COL4A2: variants seen among roughly 807,000 people sequenced by gnomAD.
COL4A2 encodes the protein collagen alpha-2(IV) chain.
A neutral mutation model predicts 200.2 loss-of-function variants in COL4A2; 99 were observed. That is an observed-to-expected ratio of 0.49 (90% CI 0.42 to 0.58). COL4A2 has a LOEUF of 0.58. COL4A2 is among the 20% of genes least tolerant of loss of function. COL4A2 has a pLI of 0.00. For synonymous variants in COL4A2, 897 were observed against 900.6 expected (o/e 1.00, Z 0.07); for missense variants, 1,950 against 2,314.1 (o/e 0.84, Z 3.23).
chr13:110,381,821 G>T (rs1173253769), intron 4 of COL4A2, among the ~76,000 whole-genome samples: 1 of 152,238 alleles, frequency 6.6e-6, no homozygotes, highest in Non-Finnish European at 1.5e-5. Flanking sequence ...TCATATCATC[G>T]TTATTATTAG....
intron 27 of COL4A2, among the ~76,000 whole-genome samples, chr13:110,467,613 C>G (rs1882296761): frequency 6.6e-6 from 1 of 152,224 alleles, no homozygotes; most frequent in African/African-American, 2.4e-5. Context: ...GTCTGGGTGC[C>G]CTTCACAGAG....
At chr13:110,506,730 C>A in intron 46 of COL4A2, 124 bp downstream of exon 46, 2 of 1,022,942 alleles carry the variant, frequency 2.0e-6, no homozygotes, top group Non-Finnish European at 2.8e-6. Context: ...ACGGAAGGGT[C>A]CATCTACATT....
At chr13:110,448,665 T>C (rs567290440) in intron 18 of COL4A2, among the ~76,000 whole-genome samples, 4 of 152,354 alleles carry the variant, frequency 2.6e-5, no homozygotes, top group African/African-American at 9.6e-5. Flanking sequence ...CTTGCTATTC[T>C]TCCAAACAAG....
intron 20 of COL4A2, among the ~76,000 whole-genome samples, chr13:110,455,293 G>A (rs9515214): frequency 0.28 from 43,226 of 151,910 alleles, 6,520 homozygotes; most frequent in Middle Eastern, 0.54. Flanking sequence ...CTCTGCGGGC[G>A]CTGGCCTTCT....
chr13:110,375,611 C>T (rs1429941697), intron 4 of COL4A2, among the ~76,000 whole-genome samples: 1 of 152,174 alleles, frequency 6.6e-6, no homozygotes, highest in Non-Finnish European at 1.5e-5. Flanking sequence ...GGGCAGATCA[C>T]TTGTGGTCAG....
At chr13:110,417,775 C>G (rs1205435386) in intron 4 of COL4A2, among the ~76,000 whole-genome samples, 1 of 152,142 alleles carries the variant, frequency 6.6e-6, no homozygotes, top group Non-Finnish European at 1.5e-5. Context: ...TCAGCCTCAA[C>G]TGCTGCACAC....
chr13:110,488,178 A>G (rs1368626455), intron 34 of COL4A2, among the ~76,000 whole-genome samples: 3 of 152,146 alleles, frequency 2.0e-5, no homozygotes, highest in Non-Finnish European at 4.4e-5. Flanking sequence ...GGCGCACGCC[A>G]CCACGCCCAG....
In COL4A2 at chr13:110,408,945, A is replaced by G. The variant is rs1879705811; in HGVS notation, c.181-15789A>G. Among the ~76,000 whole-genome samples, 3 of 54,652 alleles carry G rather than the reference A, an allele frequency of 5.5e-5. 1 individual carries two copies. 35.9% of individuals were successfully genotyped at this position (54,652 alleles called of 152,430 possible). On this transcript the variant is annotated intron_variant, in intron 4 of 47. Coordinates refer to ENST00000360467, the MANE Select transcript of COL4A2 (RefSeq NM_001846.4). ...CACACACGTACACACGCACACATAT[A>G]TACACGGACACATACACATAACGCA...
chr13:110,432,823 A>C (rs1406694383), intron 11 of COL4A2, among the ~76,000 whole-genome samples: 1 of 152,220 alleles, frequency 6.6e-6, no homozygotes, highest in Non-Finnish European at 1.5e-5. Flanking sequence ...AGTGATAATC[A>C]AGTTAGGCTA....
At chr13:110,462,556 A>C in intron 24 of COL4A2, 172 bp downstream of exon 24, 1 of 609,294 alleles carries the variant, frequency 1.6e-6, no homozygotes, top group Non-Finnish European at 2.8e-6. Context: ...ACTTTTTAGG[A>C]AACGGTGAAT....
chr13:110,489,542 C>T (rs1883216192), intron 35 of COL4A2, 34 bp downstream of exon 35: 1 of 1,612,272 alleles, frequency 6.2e-7, no homozygotes, highest in Non-Finnish European at 8.5e-7. Flanking sequence ...AACAGGGAGT[C>T]CACAATTCAG....
At chr13:110,428,419 A>G (rs1236839259) in intron 6 of COL4A2, 48 bp from the exon 7 acceptor site, 3 of 1,123,224 alleles carry the variant, frequency 2.7e-6, no homozygotes, top group South Asian at 2.7e-5. Context: ...TTACATGACA[A>G]CTAGAAGCCT....
At chr13:110,309,668 A>G (rs1194222400) in intron 3 of COL4A2, among the ~76,000 whole-genome samples, 1 of 152,216 alleles carries the variant, frequency 6.6e-6, no homozygotes, top group Non-Finnish European at 1.5e-5. Flanking sequence ...ATTGGTAGAA[A>G]GACCACCAAG....
intron 4 of COL4A2, among the ~76,000 whole-genome samples, chr13:110,417,857 G>A (rs1310840625): frequency 2.0e-5 from 3 of 151,894 alleles, no homozygotes; most frequent in Admixed American, 2.0e-4. Flanking sequence ...AAACCAGGAT[G>A]AACATTCTCA....
At chr13:110,480,773 T>A (rs1177744583) in intron 31 of COL4A2, among the ~76,000 whole-genome samples, 2 of 152,240 alleles carry the variant, frequency 1.3e-5, no homozygotes, top group African/African-American at 4.8e-5. Flanking sequence ...CAAAGCAAAG[T>A]GGTTGGTTAC....
chr13:110,430,766 G>A, intron 10 of COL4A2, 159 bp downstream of exon 10: 1 of 999,360 alleles, frequency 1.0e-6, no homozygotes, highest in Non-Finnish European at 1.6e-6. Flanking sequence ...ACCATTCCTT[G>A]CACACTTTGC....
chr13:110,353,784 C>T (rs1877064724), intron 3 of COL4A2, among the ~76,000 whole-genome samples: 1 of 152,198 alleles, frequency 6.6e-6, no homozygotes, highest in Non-Finnish European at 1.5e-5. Flanking sequence ...TACACACATG[C>T]ACGTGCGTGT....
chr13:110,443,888 G>A (rs922142227), intron 16 of COL4A2, among the ~76,000 whole-genome samples: 2 of 152,184 alleles, frequency 1.3e-5, no homozygotes, highest in Non-Finnish European at 2.9e-5. Flanking sequence ...GAGAAACAGA[G>A]AGGAAAAAGT....
chr13:110,499,806 G>A (rs1005235432), intron 40 of COL4A2, among the ~76,000 whole-genome samples: 3 of 152,244 alleles, frequency 2.0e-5, no homozygotes, highest in Non-Finnish European at 4.4e-5. Context: ...CATCACTGCA[G>A]TTAAGTTAAT....
Sources: gnomAD v4.1 joint callset for allele counts (sites outside exome capture counted in the v4.1 genomes callset) on GRCh38, gnomAD v4.1.1 for gene constraint, MANE v1.5 for transcripts, NCBI Gene and HGNC (gene_info 2026-07-23, HGNC 2026-07-21) for gene names.